Variants in RARS2 observed in about 807,000 individuals in gnomAD.
RARS2 encodes probable arginine--tRNA ligase, mitochondrial.
In RARS2, 67 loss-of-function variants were observed where a neutral mutation model predicts 88.5. The observed-to-expected ratio is 0.76, with a 90% CI of 0.62 to 0.93. RARS2 has a LOEUF of 0.93. Ranked by LOEUF, RARS2 falls within the 40% of genes least tolerant of loss-of-function variation. The pLI, the probability that RARS2 is intolerant of heterozygous loss-of-function variation, is 0.00. For synonymous variants in RARS2, 239 were observed against 230.3 expected (o/e 1.04, Z -0.34); for missense variants, 664 against 684.2 (o/e 0.97, Z 0.33).
At chr6:87,536,452 T>C (rs1211650619) in intron 8 of RARS2, among the ~76,000 whole-genome samples, 1 of 151,906 alleles carries the variant, frequency 6.6e-6, no homozygotes, top group Admixed American at 6.6e-5. Flanking sequence ...CTGGCCAACA[T>C]GGTGAAACCC....
At chr6:87,524,766 A>G in intron 10 of RARS2, 114 bp from the exon 11 acceptor site, 1 of 749,532 alleles carries the variant, frequency 1.3e-6, no homozygotes, top group South Asian at 1.5e-5. Context: ...CGTTGCAATG[A>G]GCAGTGCCAA....
At chr6:87,571,666 G>A (rs1200881891) in intron 1 of RARS2, among the ~76,000 whole-genome samples, 1 of 152,184 alleles carries the variant, frequency 6.6e-6, no homozygotes, top group East Asian at 1.9e-4. Context: ...ATCTTCAAGG[G>A]TGTTTGTGAC....
chr6:87,553,533 T>C (rs1044085722), intron 5 of RARS2, among the ~76,000 whole-genome samples: 1 of 152,228 alleles, frequency 6.6e-6, no homozygotes, highest in African/African-American at 2.4e-5. Context: ...CATTGCAATA[T>C]GAAAGCAGCC....
chr6:87,584,751 A>G (rs1282572402), intron 1 of RARS2: 1 of 458,104 alleles, frequency 2.2e-6, no homozygotes, highest in Non-Finnish European at 4.4e-6. Flanking sequence ...TATGAACAGA[A>G]GTCATATCTC....
Position 87,519,718 on chromosome 6 carries a change from G to A in RARS2, c.1113-11C>T. 6.2e-7 allele frequency: 1 copy of A among 1,613,862 alleles called. No individual in the cohort carries two copies. Among genetic ancestry groups the A allele is most frequent in the Non-Finnish European group, 8.5e-7 (1 of 1,179,852 alleles). ...GGCACGTGCTGGCACCTAAAAGAGT[G>A]GGCATCTAGTTAACTGAAAGCTAAA... On this transcript the variant is annotated splice_polypyrimidine_tract_variant and intron_variant, in intron 13 of 19. Coordinates refer to ENST00000369536, the MANE Select transcript of RARS2 (RefSeq NM_020320.5).
intron 1 of RARS2, 195 bp downstream of exon 1, chr6:87,589,727 C>G (rs772352991): frequency 1.6e-5 from 16 of 985,354 alleles, no homozygotes; most frequent in African/African-American, 3.5e-5. Context: ...TTCACCGAGA[C>G]AAACTGATCC....
chr6:87,575,302 C>T (rs1771138462), intron 1 of RARS2, among the ~76,000 whole-genome samples: 1 of 147,746 alleles, frequency 6.8e-6, no homozygotes, highest in East Asian at 2.0e-4. Context: ...AAAGCAGGGC[C>T]TGAGAAAAAG....
At chr6:87,519,208 G>GTATATATATA (rs1173189465) in intron 14 of RARS2, 13 of 257,690 alleles carry the variant, frequency 5.0e-5, no homozygotes, top group African/African-American at 1.4e-4. Context: ...GTGTGTGTGT[G>GTATATATATA]TATATATATA....
chr6:87,534,637 A>T (rs867273395), intron 8 of RARS2, among the ~76,000 whole-genome samples: 2 of 152,210 alleles, frequency 1.3e-5, no homozygotes, highest in Non-Finnish European at 2.9e-5. Context: ...GTCCCAAATA[A>T]GCAGAGAGAG....
At chr6:87,551,297 G>T (rs1045704613) in intron 5 of RARS2, among the ~76,000 whole-genome samples, 3 of 152,074 alleles carry the variant, frequency 2.0e-5, no homozygotes, top group Non-Finnish European at 4.4e-5. Context: ...ATTACTTCAT[G>T]TAATTTCCTT....
chr6:87,532,732 C>T (rs1402076441), intron 8 of RARS2, among the ~76,000 whole-genome samples: 1 of 152,096 alleles, frequency 6.6e-6, no homozygotes, highest in Non-Finnish European at 1.5e-5. Context: ...GAGTCCTCTG[C>T]GTGAATCACA....
rs778149048 is a variant in RARS2, at chr6:87,524,623, C to T, written c.908G>A (p.Gly303Glu). The change falls in exon 11 of 20, where the codon GGG becomes GAG. Residue 303 changes from glycine (G) to glutamate (E), a missense_variant. Coordinates refer to ENST00000369536, the MANE Select transcript of RARS2 (RefSeq NM_020320.5). Reference protein sequence around the residue: ...IKGTAVVDLSGNGDPSSICTV... With the variant: ...IKGTAVVDLSENGDPSSICTV... ...ACAAATTGAGGAGGGGTCGCCATTC[C>T]CAGAGAGATCTACTACAGCCGTTCC... 4.3e-6 allele frequency: 7 copies of T among 1,612,826 alleles called. No homozygotes were observed. The South Asian group carries it at 7.7e-5, about 18-fold the overall frequency.
chr6:87,589,664 C>T, intron 1 of RARS2: 1 of 985,208 alleles, frequency 1.0e-6, no homozygotes, highest in Non-Finnish European at 1.2e-6. Context: ...GCATTCATAG[C>T]TGTGGGGTGG....
chr6:87,522,428 G>A (rs1189336431), intron 11 of RARS2, among the ~76,000 whole-genome samples: 1 of 149,302 alleles, frequency 6.7e-6, no homozygotes, highest in African/African-American at 2.5e-5. Flanking sequence ...GTTTGCATAT[G>A]AAATAATGAA....
chr6:87,582,325 T>C (rs932379882), intron 1 of RARS2, among the ~76,000 whole-genome samples: 9 of 152,222 alleles, frequency 5.9e-5, no homozygotes, highest in African/African-American at 2.2e-4. Flanking sequence ...GGTATCTCAT[T>C]GTGGTTTTGA....
intron 3 of RARS2, 26 bp from the exon 4 acceptor site, chr6:87,562,811 A>C: frequency 1.3e-6 from 2 of 1,569,180 alleles, no homozygotes; most frequent in Non-Finnish European, 1.8e-6. Context: ...CACACAAAGT[A>C]GGTATGTTAT....
chr6:87,575,525 G>GT (rs1468032930), intron 1 of RARS2, among the ~76,000 whole-genome samples: 1 of 152,142 alleles, frequency 6.6e-6, no homozygotes, highest in Admixed American at 6.5e-5. Flanking sequence ...AGCTATGTAT[G>GT]TGCTGGGACC....
intron 1 of RARS2, among the ~76,000 whole-genome samples, chr6:87,588,543 T>TA (rs55710148): frequency 9.9e-5 from 15 of 151,918 alleles, no homozygotes; most frequent in Non-Finnish European, 2.2e-4. Context: ...GGCTACTTTT[T>TA]AAAAAAAATT....
chr6:87,566,518 A>C lies in RARS2; in HGVS notation c.111-2286T>G, dbSNP rs115293208. 9.6e-3 allele frequency among the ~76,000 whole-genome samples: 1,467 copies of C among 152,270 alleles called. 12 individuals carry two copies. The highest frequency in any genetic ancestry group is 0.034 in the African/African-American group (1,409 of 41,538). On this transcript the variant is annotated intron_variant, in intron 2 of 19. Coordinates refer to ENST00000369536, the MANE Select transcript of RARS2 (RefSeq NM_020320.5). ...AACCTTTAAAAAGACAAAACATCTA[A>C]GCTATGAAAAGCAGTAGATATCAAA...
Sources: gnomAD v4.1 joint callset for allele counts (sites outside exome capture counted in the v4.1 genomes callset) on GRCh38, gnomAD v4.1.1 for gene constraint, MANE v1.5 for transcripts, NCBI Gene and HGNC (gene_info 2026-07-23, HGNC 2026-07-21) for gene names.